The following KIF26B variants were observed in gnomAD, a reference collection of about 807,000 sequenced individuals.
The protein encoded by KIF26B is kinesin-like protein KIF26B.
A neutral mutation model predicts 151.2 loss-of-function variants in KIF26B; 63 were observed. The ratio of observed to expected loss-of-function variants is 0.42; its 90% CI spans 0.34 to 0.51. The LOEUF is 0.51. KIF26B is among the 20% of genes least tolerant of loss of function. KIF26B has a pLI of 0.07. For synonymous variants in KIF26B, 1,357 were observed against 1,262.1 expected (o/e 1.08, Z -1.59); for missense variants, 2,813 against 2,913.6 (o/e 0.97, Z 0.79).
chr1:245,432,986 T>C (rs1280368478), intron 4 of KIF26B, among the ~76,000 whole-genome samples: 1 of 152,232 alleles, frequency 6.6e-6, no homozygotes. Flanking sequence ...AATGAATGTT[T>C]CTATTTCTTC....
chr1:245,506,476 G>A (rs4658783), intron 4 of KIF26B, among the ~76,000 whole-genome samples: 31,475 of 151,982 alleles, frequency 0.21, 3,463 homozygotes, highest in Middle Eastern at 0.38. Context: ...CTCTTAATCT[G>A]TATTATGATC....
rs901757633 is a variant in KIF26B, at chr1:245,297,590, G to T, written c.466-69244G>T. ...ATTGTCTTTTGAAAGCCTTTCTTTG[G>T]AGGAAATATCCTCTGAGAAACTATG... is the stretch of plus-strand genomic sequence containing the variant. On this transcript the variant is annotated intron_variant, in intron 2 of 14. Transcript: ENST00000407071. Among the ~76,000 whole-genome samples, 40 of 152,206 alleles carry T rather than the reference G, an allele frequency of 2.6e-4. 1 individual carries two copies. Among genetic ancestry groups the T allele is most frequent in the Non-Finnish European group, 2.4e-4 (16 of 68,032 alleles).
intron 5 of KIF26B, among the ~76,000 whole-genome samples, chr1:245,592,983 A>G (rs768476381): frequency 1.6e-4 from 24 of 151,960 alleles, no homozygotes; most frequent in Admixed American, 7.2e-4. Context: ...CTGGCATTGG[A>G]GTTATGTAAG....
rs545479891 is a variant in KIF26B at position 245,703,399 on chromosome 1, G to A, written c.*793G>A. ...CAGGTAGACCCAGAAGGTTGATTGTGGGGCAGGTGCTTTAGAGAACAGGTG... is the reference window on the plus strand; with the variant it reads ...CAGGTAGACCCAGAAGGTTGATTGTAGGGCAGGTGCTTTAGAGAACAGGTG... On this transcript the variant is annotated 3_prime_UTR_variant, in exon 15 of 15. Transcript: ENST00000407071. The A allele has an allele frequency of 3.9e-4, 60 of 152,256 alleles. No individual in the cohort carries two copies. The highest frequency in any genetic ancestry group is 1.4e-3 in the African/African-American group (59 of 41,544). 9.4% of individuals were successfully genotyped at this position (152,256 alleles called of 1,614,324 possible).
At chr1:245,344,574 G>A (rs1372488645) in intron 2 of KIF26B, among the ~76,000 whole-genome samples, 3 of 150,528 alleles carry the variant, frequency 2.0e-5, no homozygotes, top group Non-Finnish European at 4.4e-5. Flanking sequence ...GGCTGGAAAA[G>A]GGCAATCACT....
rs59481342 is a variant in KIF26B, at chr1:245,581,926, G to GAGGAA, written c.1351-20650_1351-20646dup. 5.9e-3 allele frequency among the ~76,000 whole-genome samples: 836 copies of GAGGAA among 142,390 alleles called. 7 individuals carry two copies. Among genetic ancestry groups the GAGGAA allele is most frequent in the Non-Finnish European group, 8.4e-3 (562 of 66,928 alleles). 93.4% of individuals were successfully genotyped at this position (142,390 alleles called of 152,430 possible). A position where few individuals can be genotyped will look rare whatever the true frequency, so the allele number is the denominator to read the frequency against. On this transcript the variant is annotated intron_variant, in intron 5 of 14. Coordinates refer to ENST00000407071, the MANE Select transcript of KIF26B (RefSeq NM_018012.4). ...AGAGAGACCCTGTCAAAGAGAGAAAGAGGAAGGAAGGAAGGAAGGAAGGAA... is the reference window on the plus strand; with the variant it reads ...AGAGAGACCCTGTCAAAGAGAGAAAGAGGAAAGGAAGGAAGGAAGGAAGGAAGGAA...
At chr1:245,206,801 A>T (rs1008533360) in intron 2 of KIF26B, 13 of 152,368 alleles carry the variant, frequency 8.5e-5, no homozygotes, top group African/African-American at 3.1e-4. Context: ...CTCCTAAAAA[A>T]ATTAAATATC....
At chr1:245,464,644 G>A (rs1228678996) in intron 4 of KIF26B, among the ~76,000 whole-genome samples, 1 of 150,230 alleles carries the variant, frequency 6.7e-6, no homozygotes, top group Non-Finnish European at 1.5e-5. Context: ...GGCACCGTGT[G>A]TGTGGGTGTG....
chr1:245,649,951 T>C (rs2043996828), intron 10 of KIF26B, among the ~76,000 whole-genome samples: 1 of 152,204 alleles, frequency 6.6e-6, no homozygotes, highest in African/African-American at 2.4e-5. Context: ...ACTTTGCAAA[T>C]GATATTGCCC....
intron 12 of KIF26B, among the ~76,000 whole-genome samples, chr1:245,690,299 T>G (rs1030704780): frequency 6.6e-6 from 1 of 152,234 alleles, no homozygotes; most frequent in African/African-American, 2.4e-5. Flanking sequence ...GCTGCCCTTC[T>G]GTGCAACACT....
intron 2 of KIF26B, among the ~76,000 whole-genome samples, chr1:245,315,403 C>G (rs1339363299): frequency 3.3e-5 from 5 of 151,214 alleles, no homozygotes; most frequent in Admixed American, 3.3e-4. Context: ...CCAGGCTGGG[C>G]GACAGAGTGA....
chr1:245,618,656 G>A (rs111480225), intron 9 of KIF26B, among the ~76,000 whole-genome samples: 1 of 135,322 alleles, frequency 7.4e-6, no homozygotes. Context: ...CTGCATCAGT[G>A]TCCAAGCCCT....
At chr1:245,660,564 T>A (rs1406343535) in intron 10 of KIF26B, among the ~76,000 whole-genome samples, 1 of 151,872 alleles carries the variant, frequency 6.6e-6, no homozygotes, top group African/African-American at 2.4e-5. Context: ...TGGTCTTGAA[T>A]TCCTGAGCTC....
At chr1:245,249,519 A>G (rs1464218647) in intron 2 of KIF26B, among the ~76,000 whole-genome samples, 1 of 105,804 alleles carries the variant, frequency 9.5e-6, no homozygotes, top group African/African-American at 3.8e-5. Context: ...TTTGAGTCTC[A>G]CCTTGTCGCC....
intron 3 of KIF26B, among the ~76,000 whole-genome samples, chr1:245,373,205 A>G (rs1238793350): frequency 6.6e-6 from 1 of 152,200 alleles, no homozygotes; most frequent in Non-Finnish European, 1.5e-5. Flanking sequence ...GTTCTTTATT[A>G]GAGACAGCTC....
chr1:245,552,009 G>C (rs1371205039), intron 5 of KIF26B, among the ~76,000 whole-genome samples: 1 of 151,912 alleles, frequency 6.6e-6, no homozygotes, highest in Non-Finnish European at 1.5e-5. Flanking sequence ...TGTCCTTCTT[G>C]TTCCCCTTTG....
chr1:245,515,193 G>A (rs941099155), intron 4 of KIF26B, among the ~76,000 whole-genome samples: 4 of 152,170 alleles, frequency 2.6e-5, no homozygotes, highest in Admixed American at 6.5e-5. Flanking sequence ...ACCTTGACTC[G>A]TGCCGGTCCC....
intron 5 of KIF26B, among the ~76,000 whole-genome samples, chr1:245,549,505 T>C (rs866615735): frequency 1.3e-5 from 2 of 152,352 alleles, no homozygotes; most frequent in Middle Eastern, 6.8e-3. Flanking sequence ...CTTATCTTTC[T>C]ATAGTCTTTC....
At chr1:245,163,798 A>T (rs887693022) in intron 2 of KIF26B, among the ~76,000 whole-genome samples, 1 of 151,988 alleles carries the variant, frequency 6.6e-6, no homozygotes, top group East Asian at 1.9e-4. Context: ...ATCTCTTTTA[A>T]TTGATAATTA....
Sources: gnomAD v4.1 joint callset for allele counts (sites outside exome capture counted in the v4.1 genomes callset) on GRCh38, gnomAD v4.1.1 for gene constraint, MANE v1.5 for transcripts, NCBI Gene and HGNC (gene_info 2026-07-23, HGNC 2026-07-21) for gene names.